The following CELF4 variants were observed in gnomAD, a reference collection of about 807,000 sequenced individuals.
The protein encoded by CELF4 is CUG-BP- and ETR-3-like factor 4.
In CELF4, 18 loss-of-function variants were observed where a neutral mutation model predicts 59.9. That is an observed-to-expected ratio of 0.30 (90% CI 0.21 to 0.45). The LOEUF (loss-of-function observed/expected upper bound fraction) is 0.45. Among genes scored for constraint, CELF4 ranks in the 20% least tolerant of loss-of-function variants. CELF4 has a pLI of 1.00. For synonymous variants in CELF4, 261 were observed against 267.1 expected (o/e 0.98, Z 0.22); for missense variants, 456 against 689.0 (o/e 0.66, Z 3.79).
intron 2 of CELF4, among the ~76,000 whole-genome samples, chr18:37,456,845 G>A (rs967508976): frequency 2.6e-5 from 4 of 152,274 alleles, no homozygotes; most frequent in South Asian, 2.1e-4. Flanking sequence ...ATCTTTACCA[G>A]GCCAGAGGCA....
chr18:37,278,667 G>A (rs1340783190), intron 3 of CELF4, among the ~76,000 whole-genome samples: 3 of 152,240 alleles, frequency 2.0e-5, no homozygotes, highest in African/African-American at 7.2e-5. Context: ...GGAGGAAGAG[G>A]AAATGCAGTG....
chr18:37,314,061 T>G (rs1002272445), intron 3 of CELF4, among the ~76,000 whole-genome samples: 2 of 152,148 alleles, frequency 1.3e-5, no homozygotes, highest in African/African-American at 4.8e-5. Flanking sequence ...CCCAACCCTC[T>G]CATGCCTTCC....
chr18:37,296,259 C>T (rs897074668), intron 3 of CELF4, among the ~76,000 whole-genome samples: 3 of 152,240 alleles, frequency 2.0e-5, no homozygotes, highest in Non-Finnish European at 2.9e-5. Flanking sequence ...AGGCTCAAGC[C>T]ATCCTCCCAC....
chr18:37,303,230 G>C (rs1301953543), intron 3 of CELF4, among the ~76,000 whole-genome samples: 3 of 152,118 alleles, frequency 2.0e-5, no homozygotes, highest in Admixed American at 2.0e-4. Context: ...GGCATTGAGG[G>C]CTAAGGGGAT....
chr18:37,416,091 G>T (rs1011768803), intron 2 of CELF4, among the ~76,000 whole-genome samples: 3 of 152,030 alleles, frequency 2.0e-5, no homozygotes, highest in Non-Finnish European at 4.4e-5. Context: ...GGAGCATCTC[G>T]TGCCACTTAG....
chr18:37,451,756 G>C (rs73947217), intron 2 of CELF4, among the ~76,000 whole-genome samples: 4,270 of 152,272 alleles, frequency 0.028, 181 homozygotes, highest in African/African-American at 0.097. Context: ...AGCGCTGAGC[G>C]GCCCAAGAAG....
chr18:37,255,974 C>T (rs563917961), intron 11 of CELF4, among the ~76,000 whole-genome samples: 1 of 152,106 alleles, frequency 6.6e-6, no homozygotes, highest in East Asian at 1.9e-4. Context: ...CTCGGAAGCC[C>T]GAGAGTTGAG....
At chr18:37,351,401 G>T (rs1026906309) in intron 2 of CELF4, among the ~76,000 whole-genome samples, 2 of 152,032 alleles carry the variant, frequency 1.3e-5, no homozygotes, top group African/African-American at 4.8e-5. Flanking sequence ...GCCTGTTCAG[G>T]CCCACGGGCC....
intron 2 of CELF4, among the ~76,000 whole-genome samples, chr18:37,465,038 A>G (rs2099804175): frequency 6.6e-6 from 1 of 152,104 alleles, no homozygotes; most frequent in South Asian, 2.1e-4. Flanking sequence ...CACAGGCCTT[A>G]CTTAGTTTCC....
chr18:37,380,813 A>ATCCATCCATCCC, intron 2 of CELF4, among the ~76,000 whole-genome samples: 1 of 150,936 alleles, frequency 6.6e-6, no homozygotes, highest in African/African-American at 2.4e-5. Context: ...CCATCCATCC[A>ATCCATCCATCCC]TCCATCCATC....
intron 2 of CELF4, among the ~76,000 whole-genome samples, chr18:37,471,154 C>T (rs983885225): frequency 8.6e-5 from 13 of 151,970 alleles, no homozygotes; most frequent in South Asian, 2.1e-4. Context: ...AGGACTTGCC[C>T]GAAACCAAGT....
At chr18:37,505,884 T>C (rs1183687898) in intron 1 of CELF4, among the ~76,000 whole-genome samples, 1 of 152,238 alleles carries the variant, frequency 6.6e-6, no homozygotes, top group Non-Finnish European at 1.5e-5. Context: ...AAGTGTCCTC[T>C]GGATTGCCCA....
At chr18:37,267,327 C>T (rs969736944) in intron 8 of CELF4, among the ~76,000 whole-genome samples, 5 of 152,208 alleles carry the variant, frequency 3.3e-5, no homozygotes, top group African/African-American at 1.2e-4. Flanking sequence ...TGTACAGATA[C>T]TTTGGCAAGA....
chr18:37,539,198 C>T (rs1403973403), intron 1 of CELF4, among the ~76,000 whole-genome samples: 4 of 152,196 alleles, frequency 2.6e-5, no homozygotes, highest in African/African-American at 7.2e-5. Flanking sequence ...GGAGCCTCTC[C>T]GAGAGCTTTG....
chr18:37,274,855 C>A lies in CELF4; in HGVS notation c.607G>T (p.Ala203Ser), dbSNP rs2092764675. The change falls in exon 5 of 13, where the codon GCC becomes TCC. Residue 203 changes from alanine to serine, a missense_variant. Physicochemically the swap from Ala to Ser is moderately conservative, Grantham distance 99 (BLOSUM62 1). Transcript: ENST00000420428. ...GCGTTGATGGCGGCCTGCGCCTCGG[C>A]GTGGGAGGAGTACTTCACAAAGGCG... ...GCAFVKYSSH[A>S]EAQAAINALH... 6.2e-7 allele frequency: 1 copy of A among 1,607,958 alleles called. No homozygotes were observed. Among genetic ancestry groups the A allele is most frequent in the Middle Eastern group, 1.7e-4 (1 of 6,050 alleles).
At chr18:37,546,546 G>A (rs115688296) in intron 1 of CELF4, among the ~76,000 whole-genome samples, 2,302 of 152,228 alleles carry the variant, frequency 0.015, 65 homozygotes, top group African/African-American at 0.052. Flanking sequence ...GGAAAGGGTC[G>A]GGCTCTGCCA....
At chr18:37,406,483 G>C (rs1161239990) in intron 2 of CELF4, among the ~76,000 whole-genome samples, 2 of 152,182 alleles carry the variant, frequency 1.3e-5, no homozygotes, top group African/African-American at 4.8e-5. Flanking sequence ...GGAAAAGAGG[G>C]TGAATGTGCT....
intron 2 of CELF4, among the ~76,000 whole-genome samples, chr18:37,451,413 G>A (rs886630815): frequency 6.6e-6 from 1 of 152,288 alleles, no homozygotes. Flanking sequence ...ATGTGGTTGT[G>A]TATGCATGTG....
At chr18:37,438,790 C>T (rs564530973) in intron 2 of CELF4, among the ~76,000 whole-genome samples, 31 of 152,208 alleles carry the variant, frequency 2.0e-4, no homozygotes, top group African/African-American at 6.7e-4. Context: ...AATTGACAGC[C>T]GCGGGTGTAA....
Sources: gnomAD v4.1 joint callset for allele counts (sites outside exome capture counted in the v4.1 genomes callset) on GRCh38, gnomAD v4.1.1 for gene constraint, MANE v1.5 for transcripts, NCBI Gene and HGNC (gene_info 2026-07-23, HGNC 2026-07-21) for gene names.